Variants in CTDSPL2 observed in about 807,000 individuals in gnomAD.
CTDSPL2 encodes CTD small phosphatase-like protein 2.
A neutral mutation model predicts 60.0 loss-of-function variants in CTDSPL2; 5 were observed. The ratio of observed to expected loss-of-function variants is 0.08; its 90% confidence interval spans 0.04 to 0.18. CTDSPL2 has a LOEUF of 0.18. CTDSPL2 is among the 10% of genes least tolerant of loss of function. The pLI, the probability that CTDSPL2 is intolerant of heterozygous loss-of-function variation, is 1.00. For synonymous variants in CTDSPL2, 186 were observed against 189.3 expected (o/e 0.98, Z 0.14); for missense variants, 370 against 548.8 (o/e 0.67, Z 3.26).
chr15:44,519,080 C>A, intron 10 of CTDSPL2, 89 bp from the exon 11 acceptor site: 1 of 810,864 alleles, frequency 1.2e-6, no homozygotes, highest in South Asian at 4.9e-5. Context: ...ATGGCTTAAA[C>A]TATAAAGCCT....
At chr15:44,472,830 A>T (rs2080838273) in intron 2 of CTDSPL2, among the ~76,000 whole-genome samples, 1 of 152,034 alleles carries the variant, frequency 6.6e-6, no homozygotes, top group East Asian at 1.9e-4. Flanking sequence ...AGTCCAACTA[A>T]TTTTTTTTAT....
intron 12 of CTDSPL2, among the ~76,000 whole-genome samples, chr15:44,523,498 C>T (rs971125587): frequency 5.3e-5 from 8 of 151,928 alleles, no homozygotes; most frequent in African/African-American, 1.9e-4. Context: ...TCCAGCTACA[C>T]AGGAGGCTGA....
chr15:44,511,822 C>T (rs1429478676), intron 8 of CTDSPL2, among the ~76,000 whole-genome samples: 2 of 123,922 alleles, frequency 1.6e-5, no homozygotes, highest in South Asian at 5.5e-4. Flanking sequence ...AAGCCAAGAT[C>T]ATGTTACTGC....
chr15:44,471,568 A>C (rs576215555), intron 2 of CTDSPL2, among the ~76,000 whole-genome samples: 1 of 152,260 alleles, frequency 6.6e-6, no homozygotes, highest in South Asian at 2.1e-4. Context: ...CTTTATTATG[A>C]TCTACTATCT....
Position 44,528,099 on chromosome 15 carries a change from C to T in CTDSPL2, c.*3925C>T, listed in dbSNP as rs185830687. On this transcript the variant is annotated 3_prime_UTR_variant, in exon 13 of 13. Transcript: ENST00000260327. ...TGAATTGAAATTACTTGCCCAGAGG[C>T]AAGAGTTCTGGGGATATAACATGAT... is the stretch of plus-strand genomic sequence containing the variant. The T allele has an allele frequency of 1.1e-4, 16 of 151,978 alleles. No individual in the cohort carries two copies. In the East Asian group the frequency reaches 3.1e-3, roughly 29 times the overall value. The allele number at this position is 151,978 out of a possible 1,614,324, so 9.4% of individuals were successfully genotyped here.
intron 2 of CTDSPL2, among the ~76,000 whole-genome samples, chr15:44,461,591 T>C (rs1343237380): frequency 3.3e-5 from 5 of 149,860 alleles, no homozygotes; most frequent in South Asian, 2.1e-4. Context: ...TTTTTTTTTT[T>C]TTTTTTAAAG....
intron 1 of CTDSPL2, among the ~76,000 whole-genome samples, chr15:44,436,878 A>G (rs1006857886): frequency 6.6e-6 from 1 of 152,200 alleles, no homozygotes; most frequent in Admixed American, 6.5e-5. Flanking sequence ...CCCTCATCCA[A>G]AATGCTTGGT....
chr15:44,468,915 G>A (rs1192919893), intron 2 of CTDSPL2, among the ~76,000 whole-genome samples: 4 of 152,088 alleles, frequency 2.6e-5, no homozygotes, highest in Non-Finnish European at 2.9e-5. Flanking sequence ...CCCTTTGCCC[G>A]AGTATCCATA....
chr15:44,480,823 T>G (rs1477627995), intron 2 of CTDSPL2, among the ~76,000 whole-genome samples: 1 of 151,820 alleles, frequency 6.6e-6, no homozygotes, highest in Non-Finnish European at 1.5e-5. Flanking sequence ...ACAGAGACCC[T>G]GCCTCCATGA....
At chr15:44,523,201 T>G (rs1028208851) in intron 12 of CTDSPL2, among the ~76,000 whole-genome samples, 2 of 152,124 alleles carry the variant, frequency 1.3e-5, no homozygotes, top group East Asian at 1.9e-4. Context: ...TTCACCACAT[T>G]GGCCAGGCTG....
intron 3 of CTDSPL2, among the ~76,000 whole-genome samples, chr15:44,485,702 T>G (rs561465760): frequency 6.6e-6 from 1 of 152,166 alleles, no homozygotes; most frequent in African/African-American, 2.4e-5. Flanking sequence ...CTTTAGAGTA[T>G]GGAGTACTGT....
At chr15:44,437,100 A>G (rs1189922214) in intron 1 of CTDSPL2, among the ~76,000 whole-genome samples, 1 of 152,220 alleles carries the variant, frequency 6.6e-6, no homozygotes, top group African/African-American at 2.4e-5. Context: ...GACTCGTCAC[A>G]TTAAGTCGGG....
chr15:44,444,302 TACACACACACACACACACAC>T (rs59993417), intron 1 of CTDSPL2, among the ~76,000 whole-genome samples: 1,556 of 136,278 alleles, frequency 0.011, 17 homozygotes, highest in Non-Finnish European at 0.017. Flanking sequence ...GCTTTTCCCA[TACACACACACACACACACAC>T]ACACACACAC....
chr15:44,452,185 A>T (rs1259212705), intron 1 of CTDSPL2, among the ~76,000 whole-genome samples: 2 of 152,208 alleles, frequency 1.3e-5, no homozygotes, highest in Non-Finnish European at 2.9e-5. Context: ...TGACAAAAAG[A>T]TACTCCTATA....
intron 1 of CTDSPL2, among the ~76,000 whole-genome samples, chr15:44,428,328 A>G (rs903296333): frequency 1.5e-4 from 23 of 152,200 alleles, no homozygotes; most frequent in African/African-American, 5.5e-4. Context: ...GGTAGTAAAG[A>G]ACAGTCCATG....
At chr15:44,485,546 T>G (rs539396827) in intron 3 of CTDSPL2, among the ~76,000 whole-genome samples, 24 of 152,310 alleles carry the variant, frequency 1.6e-4, no homozygotes, top group African/African-American at 5.8e-4. Context: ...TTCGTGTTCC[T>G]AAAAGAATCT....
chr15:44,470,663 GT>G (rs2140737981), intron 2 of CTDSPL2: 1 of 152,192 alleles, frequency 6.6e-6, no homozygotes, highest in South Asian at 2.1e-4. Context: ...GGCCAGCCTG[GT>G]CTTGAACTCC....
At chr15:44,470,306 T>C (rs1434508725) in intron 2 of CTDSPL2, among the ~76,000 whole-genome samples, 24 of 152,164 alleles carry the variant, frequency 1.6e-4, no homozygotes. Flanking sequence ...AATATTATGA[T>C]GTATCTCATT....
At chr15:44,521,287 T>G in intron 11 of CTDSPL2, 24 bp from the exon 12 acceptor site, 1 of 1,127,866 alleles carries the variant, frequency 8.9e-7, no homozygotes, top group South Asian at 1.4e-5. Context: ...AAAAGAGGAT[T>G]TAATTACTTA....
Sources: gnomAD v4.1 joint callset for allele counts (sites outside exome capture counted in the v4.1 genomes callset) on GRCh38, gnomAD v4.1.1 for gene constraint, MANE v1.5 for transcripts, NCBI Gene and HGNC (gene_info 2026-07-23, HGNC 2026-07-21) for gene names.